Variants in HBP1 observed in about 807,000 individuals in gnomAD.
HBP1 encodes the protein HMG-box transcription factor 1, also known as HMG box-containing protein 1.
HBP1 carries 20 observed loss-of-function variants against 62.6 expected under a neutral mutation model. The observed-to-expected ratio is 0.32, with a 90% CI of 0.22 to 0.46. The LOEUF is 0.46. HBP1 is among the 20% of genes least tolerant of loss of function. The pLI is 1.00. For missense variants in HBP1, 480 were observed against 611.8 expected, an observed-to-expected ratio of 0.78 and a Z score of 2.27; for synonymous variants, 232 against 206.2, an observed-to-expected ratio of 1.12 and a Z score of -1.07.
Position 107,171,071 on chromosome 7 carries a change from A to ATT in HBP1, c.-16+1887_-16+1888insTT, listed in dbSNP as rs1160740045. ...AATATATATATATATATATATATAT[A>ATT]TATTTTTTTTTTTTTTTGAGAGGGA... On this transcript the variant is annotated intron_variant, in intron 1 of 10. Coordinates refer to ENST00000222574, the MANE Select transcript of HBP1 (RefSeq NM_012257.4). 1.4e-3 allele frequency among the ~76,000 whole-genome samples: 120 copies of ATT among 84,298 alleles called. 12 individuals carry two copies. The highest frequency in any genetic ancestry group is 2.0e-3 in the Non-Finnish European group (100 of 50,592). 55.3% of individuals were successfully genotyped at this position (84,298 alleles called of 152,430 possible).
intron 1 of HBP1, chr7:107,174,331 T>G: frequency 5.7e-6 from 2 of 349,520 alleles, no homozygotes; most frequent in East Asian, 1.7e-4. Flanking sequence ...CCTTGAGCAA[T>G]GAGAGGTGTG....
chr7:107,198,008 A>G (rs567123710), intron 9 of HBP1, among the ~76,000 whole-genome samples: 1 of 152,194 alleles, frequency 6.6e-6, no homozygotes, highest in African/African-American at 2.4e-5. Context: ...ACATCTAGAA[A>G]CAGGATTCAC....
intron 9 of HBP1, among the ~76,000 whole-genome samples, chr7:107,198,122 G>A (rs575733189): frequency 6.6e-5 from 10 of 152,160 alleles, no homozygotes; most frequent in Admixed American, 5.9e-4. Context: ...ATTATAAGGG[G>A]TGTAAATCTC....
intron 8 of HBP1, among the ~76,000 whole-genome samples, chr7:107,194,104 TAGCAAAAG>T (rs1206422530): frequency 1.3e-5 from 2 of 152,220 alleles, no homozygotes; most frequent in East Asian, 1.9e-4. Context: ...TAAGGTAGTA[TAGCAAAAG>T]ATGAAGCTGT....
At chr7:107,194,711 A>G (rs1046514587) in intron 8 of HBP1, among the ~76,000 whole-genome samples, 11 of 152,190 alleles carry the variant, frequency 7.2e-5, no homozygotes, top group African/African-American at 2.7e-4. Context: ...GTATTACCGG[A>G]ATTTCTGTTT....
chr7:107,180,015 TGC>T lies in HBP1; in HGVS notation c.123_124del (p.Leu41PhefsTer7). The T allele has an allele frequency of 6.2e-7, 1 of 1,608,410 alleles. No homozygotes were observed. The highest frequency in any genetic ancestry group is 8.5e-7 in the Non-Finnish European group (1 of 1,175,396). ...GAGTTGCTGCAGTGTAATGAGAATT[TGC>T]CATCTTCACCTGGATATAACTCCTG... On this transcript the variant is annotated frameshift_variant, in exon 2 of 11. Coordinates refer to ENST00000222574, the MANE Select transcript of HBP1 (RefSeq NM_012257.4). LOFTEE classifies it high-confidence loss of function.
At chr7:107,182,815 G>A (rs1489567283) in intron 3 of HBP1, among the ~76,000 whole-genome samples, 2 of 152,008 alleles carry the variant, frequency 1.3e-5, no homozygotes, top group Non-Finnish European at 2.9e-5. Context: ...GAGAACCATA[G>A]AGTAAAAAAA....
At chr7:107,199,646 G>A (rs1798112559) in intron 9 of HBP1, among the ~76,000 whole-genome samples, 1 of 152,192 alleles carries the variant, frequency 6.6e-6, no homozygotes, top group South Asian at 2.1e-4. Flanking sequence ...GTTTACATCT[G>A]TGTGCCTAGG....
chr7:107,190,144 A>T (rs770510956), intron 7 of HBP1, 29 bp from the exon 8 acceptor site: 1 of 1,570,574 alleles, frequency 6.4e-7, no homozygotes, highest in South Asian at 1.2e-5. Flanking sequence ...GTGAGTCCTC[A>T]TCCTTTATGC....
chr7:107,185,878 C>G lies in HBP1; in HGVS notation c.476C>G (p.Ser159Trp), dbSNP rs762848519. ...CGCCCTCCACCAGTGTCCTCTTCTTCGAAGAGTGAACCAGCCTTCCCTCAT... is the reference window on the plus strand; with the variant it reads ...CGCCCTCCACCAGTGTCCTCTTCTTGGAAGAGTGAACCAGCCTTCCCTCAT... ...YARPPPVSSSSKSEPAFPHHH... is the reference protein window; with the variant it reads ...YARPPPVSSSWKSEPAFPHHH... The change falls in exon 4 of 11, where the codon TCG (serine) becomes TGG (tryptophan). Residue 159 changes from serine to tryptophan, a missense_variant. Physicochemically the swap from Ser to Trp is radical, Grantham distance 177 (BLOSUM62 -3). Around this residue, in one of 4 missense-constraint regions of HBP1, gnomAD observed 304 missense variants for 330.9 expected, o/e 0.92. Transcript: ENST00000222574. 1 of 1,610,768 alleles carries G rather than the reference C, an allele frequency of 6.2e-7. No individual in the cohort carries two copies. The highest frequency in any genetic ancestry group is 8.5e-7 in the Non-Finnish European group (1 of 1,176,936).
intron 1 of HBP1, among the ~76,000 whole-genome samples, chr7:107,171,071 A>ATGTTTTTTTTT (rs1160740045): frequency 5.9e-5 from 5 of 84,308 alleles, no homozygotes; most frequent in African/African-American, 4.1e-4. Context: ...ATATATATAT[A>ATGTTTTTTTTT]TATTTTTTTT....
At chr7:107,179,425 C>T (rs115249965) in intron 1 of HBP1, among the ~76,000 whole-genome samples, 3,008 of 152,110 alleles carry the variant, frequency 0.02, 106 homozygotes, top group African/African-American at 0.067. Context: ...AGGAGTCATC[C>T]GGGTCTAAAG....
chr7:107,196,517 C>G (rs1250471326), intron 9 of HBP1: 1 of 320,260 alleles, frequency 3.1e-6, no homozygotes, highest in Non-Finnish European at 6.1e-6. Context: ...ATCCACCCAC[C>G]TTGGCCTCCT....
At chr7:107,186,034 G>T (rs901693243) in intron 4 of HBP1, 92 bp downstream of exon 4, 4 of 929,018 alleles carry the variant, frequency 4.3e-6, no homozygotes, top group Non-Finnish European at 1.7e-6. Context: ...TCACTGTTCT[G>T]TTAGTGATCT....
chr7:107,180,634 T>C (rs1313706888), intron 2 of HBP1, among the ~76,000 whole-genome samples: 2 of 152,166 alleles, frequency 1.3e-5, no homozygotes, highest in Non-Finnish European at 2.9e-5. Context: ...TTTGCCCCCA[T>C]TTAATATATG....
At chr7:107,172,676 G>T (rs1231723712) in intron 1 of HBP1, among the ~76,000 whole-genome samples, 1 of 152,130 alleles carries the variant, frequency 6.6e-6, no homozygotes, top group Non-Finnish European at 1.5e-5. Flanking sequence ...TGTGGATTGG[G>T]CAGTGTCTGT....
At chr7:107,195,454 A>G (rs1272876654) in intron 8 of HBP1, among the ~76,000 whole-genome samples, 1 of 152,232 alleles carries the variant, frequency 6.6e-6, no homozygotes. Context: ...CCTATAGGCC[A>G]AGAAACCATA....
Position 107,176,128 on chromosome 7 carries a change from C to A in HBP1, c.-15-3751C>A, listed in dbSNP as rs569090822. On this transcript the variant is annotated intron_variant, in intron 1 of 10. Transcript: ENST00000222574. ...GCAACCTCTGTCTCCCGGGTTCAAG[C>A]GATTCTCCTGCCTCAGGTTGCTGAG... Among the ~76,000 whole-genome samples, 80 of 151,860 alleles carry A rather than the reference C, an allele frequency of 5.3e-4. 1 individual carries two copies. The highest frequency in any genetic ancestry group is 1.2e-3 in the Admixed American group (19 of 15,240).
At chr7:107,172,056 A>T (rs1188501854) in intron 1 of HBP1, among the ~76,000 whole-genome samples, 1 of 152,094 alleles carries the variant, frequency 6.6e-6, no homozygotes, top group Admixed American at 6.5e-5. Context: ...TATCAGTAAC[A>T]TTCACATTTT....
Sources: gnomAD v4.1 joint callset for allele counts (sites outside exome capture counted in the v4.1 genomes callset) on GRCh38, gnomAD v4.1.1 for gene constraint, gnomAD v4.1.1 regional missense constraint, MANE v1.5 for transcripts, NCBI Gene and HGNC (gene_info 2026-07-23, HGNC 2026-07-21) for gene names.